Variants in NEGR1 observed in about 807,000 individuals in gnomAD.
NEGR1 encodes neuronal growth regulator 1, also known as IgLON family member 4.
In NEGR1, 10 loss-of-function variants were observed where a neutral mutation model predicts 40.9. That is an observed-to-expected ratio of 0.24 (90% CI 0.15 to 0.42). The LOEUF (loss-of-function observed/expected upper bound fraction) is 0.42, where lower values mean the gene tolerates loss of function less well. NEGR1 is among the 10% of genes least tolerant of loss of function. The pLI, the probability that NEGR1 is intolerant of heterozygous loss-of-function variation, is 1.00. For missense variants in NEGR1, 352 were observed against 438.9 expected (o/e 0.80, Z 1.77); for synonymous variants, 185 against 166.8 (o/e 1.11, Z -0.84).
intron 1 of NEGR1, among the ~76,000 whole-genome samples, chr1:72,133,607 T>C (rs74087160): frequency 0.034 from 5,242 of 151,956 alleles, 321 homozygotes; most frequent in African/African-American, 0.12. Flanking sequence ...TCCCTCATAT[T>C]TGAACTAAAA....
intron 1 of NEGR1, among the ~76,000 whole-genome samples, chr1:71,994,736 A>G (rs199855080): frequency 6.6e-6 from 1 of 152,236 alleles, no homozygotes; most frequent in East Asian, 1.9e-4. Flanking sequence ...TGCCCACATC[A>G]TGCAAACTTA....
At chr1:71,496,339 T>C (rs967408182) in intron 6 of NEGR1, among the ~76,000 whole-genome samples, 2 of 152,022 alleles carry the variant, frequency 1.3e-5, no homozygotes, top group African/African-American at 2.4e-5. Context: ...TAGAAGGAAT[T>C]GGAGGAAGAT....
intron 4 of NEGR1, among the ~76,000 whole-genome samples, chr1:71,655,619 G>T (rs1240755550): frequency 6.6e-6 from 1 of 152,156 alleles, no homozygotes; most frequent in East Asian, 1.9e-4. Context: ...GAAGTATCTA[G>T]TGAAGCACCA....
chr1:72,205,745 C>G (rs1321763573), intron 1 of NEGR1, among the ~76,000 whole-genome samples: 1 of 120,264 alleles, frequency 8.3e-6, no homozygotes, highest in African/African-American at 3.4e-5. Context: ...AATGGCAAAA[C>G]CCCATTTCTA....
chr1:71,537,810 T>C lies in NEGR1; in HGVS notation c.940+55007A>G, dbSNP rs531326070. Among the ~76,000 whole-genome samples the C allele has an allele frequency of 5.9e-5, 9 of 151,890 alleles. No homozygotes were observed. The East Asian group carries it at 1.8e-3, about 30-fold the overall frequency. On this transcript the variant is annotated intron_variant, in intron 6 of 6. Transcript: ENST00000357731. ...TTATATGGATTGGTTTTTGAGCTCC[T>C]GTTTTGTCATTGGAGTCATTAACTT... is the stretch of plus-strand genomic sequence containing the variant.
At chr1:71,731,024 T>C (rs1466839929) in intron 3 of NEGR1, among the ~76,000 whole-genome samples, 1 of 151,988 alleles carries the variant, frequency 6.6e-6, no homozygotes, top group Admixed American at 6.6e-5. Flanking sequence ...GCTTTTTACT[T>C]TTTTTGTTCC....
chr1:71,749,092 A>G (rs1655484996), intron 3 of NEGR1, among the ~76,000 whole-genome samples: 2 of 152,188 alleles, frequency 1.3e-5, no homozygotes, highest in African/African-American at 4.8e-5. Context: ...AAACACACTT[A>G]CATCAACAAA....
chr1:71,708,432 C>A (rs1570241739), intron 3 of NEGR1, among the ~76,000 whole-genome samples: 1 of 151,856 alleles, frequency 6.6e-6, no homozygotes, highest in Non-Finnish European at 1.5e-5. Flanking sequence ...AATTAGTGAG[C>A]AATCTACAGA....
At chr1:72,147,221 G>A (rs548661700) in intron 1 of NEGR1, among the ~76,000 whole-genome samples, 5 of 152,144 alleles carry the variant, frequency 3.3e-5, no homozygotes, top group African/African-American at 1.2e-4. Context: ...AGACATACCC[G>A]AAACTGGGAA....
At chr1:71,942,192 A>C (rs1645965251) in intron 1 of NEGR1, among the ~76,000 whole-genome samples, 2 of 151,084 alleles carry the variant, frequency 1.3e-5, no homozygotes, top group Non-Finnish European at 3.0e-5. Flanking sequence ...GCTTATTTTT[A>C]AAATATTTTG....
At chr1:71,438,453 T>C (rs796253813) in intron 6 of NEGR1, among the ~76,000 whole-genome samples, 7 of 152,308 alleles carry the variant, frequency 4.6e-5, no homozygotes, top group African/African-American at 1.7e-4. Flanking sequence ...TAATAAGCTC[T>C]CTAAACAAAC....
chr1:71,487,046 C>G (rs1292531790), intron 6 of NEGR1: 1 of 151,264 alleles, frequency 6.6e-6, no homozygotes, highest in Non-Finnish European at 1.5e-5. Context: ...CATAAGAAAC[C>G]GAGAGAAAGA....
At chr1:71,977,755 T>A (rs1444770162) in intron 1 of NEGR1, among the ~76,000 whole-genome samples, 6 of 41,048 alleles carry the variant, frequency 1.5e-4, no homozygotes, top group South Asian at 5.2e-4. Flanking sequence ...CTAAGGAAAA[T>A]AGTAGAAAAG....
intron 4 of NEGR1, among the ~76,000 whole-genome samples, chr1:71,652,990 G>T (rs1379353752): frequency 2.0e-5 from 3 of 152,098 alleles, no homozygotes; most frequent in South Asian, 2.1e-4. Flanking sequence ...TCAGACACAG[G>T]TATTCACTGA....
At chr1:71,759,727 G>C (rs1373607842) in intron 3 of NEGR1, among the ~76,000 whole-genome samples, 1 of 146,630 alleles carries the variant, frequency 6.8e-6, no homozygotes, top group Non-Finnish European at 1.5e-5. Flanking sequence ...CTTCTGCCTC[G>C]GCCTCCCAAG....
At chr1:71,602,455 T>G (rs995791106) in intron 5 of NEGR1, among the ~76,000 whole-genome samples, 6 of 149,012 alleles carry the variant, frequency 4.0e-5, no homozygotes, top group South Asian at 2.2e-4. Flanking sequence ...GTTTCACCGT[T>G]TTAGCCGGGA....
At chr1:72,137,757 A>C (rs1650523918) in intron 1 of NEGR1, among the ~76,000 whole-genome samples, 1 of 152,156 alleles carries the variant, frequency 6.6e-6, no homozygotes, top group South Asian at 2.1e-4. Context: ...GCTCAGGTAC[A>C]TTATAAACAT....
chr1:71,605,614 T>A (rs1031746854), intron 5 of NEGR1, among the ~76,000 whole-genome samples: 1 of 152,244 alleles, frequency 6.6e-6, no homozygotes, highest in Non-Finnish European at 1.5e-5. Context: ...TGCTTAATGA[T>A]ACTTTGGATG....
intron 4 of NEGR1, among the ~76,000 whole-genome samples, chr1:71,635,084 G>A (rs985148469): frequency 2.6e-5 from 4 of 152,052 alleles, no homozygotes; most frequent in African/African-American, 9.7e-5. Flanking sequence ...CAGAAAAATG[G>A]ATGAAATCTG....
Sources: gnomAD v4.1 joint callset for allele counts (sites outside exome capture counted in the v4.1 genomes callset) on GRCh38, gnomAD v4.1.1 for gene constraint, MANE v1.5 for transcripts, NCBI Gene and HGNC (gene_info 2026-07-23, HGNC 2026-07-21) for gene names.